Variants in CAMK1D observed in about 807,000 individuals in gnomAD.
CAMK1D encodes the protein calcium/calmodulin-dependent protein kinase type 1D.
Under a neutral mutation model 47.7 loss-of-function variants are expected in CAMK1D, and 9 were observed. That is an observed-to-expected ratio of 0.19 (90% confidence interval 0.11 to 0.33). The LOEUF (loss-of-function observed/expected upper bound fraction) is 0.33. CAMK1D is among the 10% of genes least tolerant of loss of function. The pLI is 1.00. For synonymous variants in CAMK1D, 184 were observed against 184.9 expected, an observed-to-expected ratio of 0.99 and a Z score of 0.04; for missense variants, 291 against 488.7, an observed-to-expected ratio of 0.60 and a Z score of 3.81.
chr10:12,572,039 AC>A (rs3062649), intron 2 of CAMK1D, among the ~76,000 whole-genome samples: 3 of 139,948 alleles, frequency 2.1e-5, no homozygotes, highest in Non-Finnish European at 3.1e-5. Context: ...CAAAAACTAA[AC>A]CCCCCCCCAA....
chr10:12,608,436 A>T (rs890191722), intron 2 of CAMK1D, among the ~76,000 whole-genome samples: 1 of 152,200 alleles, frequency 6.6e-6, no homozygotes, highest in Non-Finnish European at 1.5e-5. Context: ...GAACAAACAT[A>T]TTTATGTGGT....
intron 1 of CAMK1D, among the ~76,000 whole-genome samples, chr10:12,388,657 G>T (rs550575448): frequency 6.6e-6 from 1 of 152,160 alleles, no homozygotes; most frequent in Non-Finnish European, 1.5e-5. Flanking sequence ...CCTGACATGC[G>T]TTTCAAATTA....
chr10:12,734,379 GAT>G (rs1261052658), intron 3 of CAMK1D, among the ~76,000 whole-genome samples: 40,887 of 45,392 alleles, frequency 0.9, 19,127 homozygotes, highest in East Asian at 0.97. Flanking sequence ...TATATATATA[GAT>G]ATAGATATAG....
At position 12,553,230 on chromosome 10, in the gene CAMK1D, C is replaced by G. The variant is rs759616291; in HGVS notation, c.98C>G (p.Ala33Gly). 6.2e-7 allele frequency: 1 copy of G among 1,614,080 alleles called. No individual in the cohort carries two copies. The highest frequency in any genetic ancestry group is 8.5e-7 in the Non-Finnish European group (1 of 1,179,968). Residue 33 changes from alanine (A) to glycine (G), a missense_variant, in exon 2 of 11, where the codon GCC (alanine) becomes GGC (glycine). Coordinates refer to ENST00000619168, the MANE Select transcript of CAMK1D (RefSeq NM_153498.4). ...TTTTCCTTCTTTGTTCACAGCGGGG[C>G]CTTTTCCGAAGTGGTTTTAGCTGAA... Reference protein sequence around the residue: ...FEFKETLGTGAFSEVVLAEEK... With the variant: ...FEFKETLGTGGFSEVVLAEEK...
Position 12,544,671 on chromosome 10 carries a change from G to A in CAMK1D, c.93-8554G>A, listed in dbSNP as rs117658931. ...ATTGAAACTTAAAGAAACATATTAC[G>A]GAGGAGAAAAGAGATGGTACTGTTT... is the stretch of plus-strand genomic sequence containing the variant. On this transcript the variant is annotated intron_variant, in intron 1 of 10. Coordinates refer to ENST00000619168, the MANE Select transcript of CAMK1D (RefSeq NM_153498.4). Among the ~76,000 whole-genome samples, 1,053 of 152,332 alleles carry A rather than the reference G, an allele frequency of 6.9e-3. 26 individuals carry two copies. Among genetic ancestry groups the A allele is most frequent in the East Asian group, 0.041 (212 of 5,186 alleles).
intron 2 of CAMK1D, among the ~76,000 whole-genome samples, chr10:12,600,060 G>A (rs891804303): frequency 2.6e-5 from 4 of 152,178 alleles, no homozygotes; most frequent in African/African-American, 9.7e-5. Context: ...AGCTATGATT[G>A]TGCCACTGCA....
At position 12,514,892 on chromosome 10, in the gene CAMK1D, C is replaced by A. The variant is rs1168448041; in HGVS notation, c.93-38333C>A. On this transcript the variant is annotated intron_variant, in intron 1 of 10. Coordinates refer to ENST00000619168, the MANE Select transcript of CAMK1D (RefSeq NM_153498.4). ...TTGAGACCAAGTCTCACTCTGTCGC[C>A]CAGGCTGGAACGCAGTGGTATAATC... 3.3e-5 allele frequency among the ~76,000 whole-genome samples: 5 copies of A among 152,304 alleles called. No individual in the cohort carries two copies. In the East Asian group the frequency reaches 9.6e-4, roughly 29 times the overall value.
intron 3 of CAMK1D, among the ~76,000 whole-genome samples, chr10:12,736,180 C>G (rs1835177416): frequency 2.0e-5 from 3 of 152,206 alleles, no homozygotes; most frequent in Non-Finnish European, 4.4e-5. Context: ...AGTTTCTTCC[C>G]CAGTGAGGAA....
intron 1 of CAMK1D, among the ~76,000 whole-genome samples, chr10:12,378,377 C>G (rs999161404): frequency 1.3e-5 from 2 of 152,038 alleles, no homozygotes; most frequent in African/African-American, 4.8e-5. Flanking sequence ...TCCTGTGTAG[C>G]TGGGACCACA....
chr10:12,388,085 A>T (rs1240858271), intron 1 of CAMK1D, among the ~76,000 whole-genome samples: 1 of 152,106 alleles, frequency 6.6e-6, no homozygotes, highest in Admixed American at 6.5e-5. Flanking sequence ...GGTGACTCTC[A>T]GGAGGCTTCT....
intron 1 of CAMK1D, among the ~76,000 whole-genome samples, chr10:12,482,130 C>T (rs1356093086): frequency 1.3e-5 from 2 of 152,178 alleles, no homozygotes; most frequent in Non-Finnish European, 2.9e-5. Flanking sequence ...GCTCCAGAAG[C>T]AACAATTACC....
At chr10:12,749,535 GTTTGTTTGTTTGTTT>G (rs1370134095) in intron 3 of CAMK1D, among the ~76,000 whole-genome samples, 2 of 131,694 alleles carry the variant, frequency 1.5e-5, no homozygotes, top group African/African-American at 6.1e-5. Flanking sequence ...ATGTTTGTTT[GTTTGTTTGTTTGTTT>G]TTTGTTTGTT....
intron 1 of CAMK1D, among the ~76,000 whole-genome samples, chr10:12,465,200 T>C (rs985480423): frequency 1.3e-5 from 2 of 152,322 alleles, no homozygotes; most frequent in South Asian, 2.1e-4. Context: ...AAAAGTCCTG[T>C]TCATCTGGGT....
chr10:12,447,140 T>C (rs1199169941), intron 1 of CAMK1D, among the ~76,000 whole-genome samples: 4 of 152,198 alleles, frequency 2.6e-5, no homozygotes, highest in Admixed American at 2.6e-4. Flanking sequence ...TTCTGCAGAA[T>C]GGTCTGTATC....
chr10:12,401,145 ATAT>A (rs1478984733), intron 1 of CAMK1D, among the ~76,000 whole-genome samples: 1 of 65,864 alleles, frequency 1.5e-5, no homozygotes, highest in East Asian at 4.3e-4. Flanking sequence ...TATTATATAT[ATAT>A]TTTATATATA....
At chr10:12,484,786 G>C (rs1834162181) in intron 1 of CAMK1D, among the ~76,000 whole-genome samples, 1 of 150,876 alleles carries the variant, frequency 6.6e-6, no homozygotes, top group Non-Finnish European at 1.5e-5. Context: ...CTCCAGTGGA[G>C]AGGCCACTCT....
intron 1 of CAMK1D, among the ~76,000 whole-genome samples, chr10:12,530,930 G>A (rs561840803): frequency 5.9e-5 from 9 of 152,098 alleles, no homozygotes; most frequent in South Asian, 2.1e-4. Flanking sequence ...GATGGCGGGC[G>A]CCTGTAATCC....
intron 6 of CAMK1D, among the ~76,000 whole-genome samples, chr10:12,808,112 G>A (rs1347140962): frequency 1.3e-5 from 2 of 152,138 alleles, no homozygotes; most frequent in Admixed American, 6.5e-5. Flanking sequence ...CACTCCTGCC[G>A]GCAGCCCACC....
intron 2 of CAMK1D, among the ~76,000 whole-genome samples, chr10:12,622,573 TAGG>T (rs1330381463): frequency 6.6e-6 from 1 of 151,888 alleles, no homozygotes; most frequent in Non-Finnish European, 1.5e-5. Flanking sequence ...CAGTTATACT[TAGG>T]AAGAATAGAG....
Sources: gnomAD v4.1 joint callset for allele counts (sites outside exome capture counted in the v4.1 genomes callset) on GRCh38, gnomAD v4.1.1 for gene constraint, MANE v1.5 for transcripts, NCBI Gene and HGNC (gene_info 2026-07-23, HGNC 2026-07-21) for gene names.